Variants in OXR1 observed in about 807,000 individuals in gnomAD.
The protein encoded by OXR1 is oxidation resistance 1.
A neutral mutation model predicts 104.6 loss-of-function variants in OXR1; 41 were observed. The ratio of observed to expected loss-of-function variants is 0.39; its 90% CI spans 0.31 to 0.51. OXR1 has a LOEUF of 0.51. Ranked by LOEUF, OXR1 falls within the 20% of genes least tolerant of loss-of-function variation. The pLI is 0.77. For synonymous variants in OXR1, 348 were observed against 348.4 expected, an observed-to-expected ratio of 1.00 and a Z score of 0.01; for missense variants, 955 against 1,031.9, an observed-to-expected ratio of 0.93 and a Z score of 1.02.
intron 2 of OXR1, among the ~76,000 whole-genome samples, chr8:106,492,249 T>C (rs1811138156): frequency 6.6e-6 from 1 of 152,186 alleles, no homozygotes; most frequent in African/African-American, 2.4e-5. Context: ...CTCATCCAAC[T>C]TTCAGCAAGT....
Position 106,578,637 on chromosome 8 carries a change from G to A in OXR1, c.220+59498G>A, listed in dbSNP as rs2130612134. Reference sequence around the variant, plus strand: ...AGGACTTACTATGTATACTGTGTGTGTCATTGTAAAATTGTGACAGGAGGA... The same window carrying A: ...AGGACTTACTATGTATACTGTGTGTATCATTGTAAAATTGTGACAGGAGGA... On this transcript the variant is annotated intron_variant, in intron 3 of 16. Transcript: ENST00000517566. Among the ~76,000 whole-genome samples, 3 of 152,280 alleles carry A rather than the reference G, an allele frequency of 2.0e-5. No homozygotes were observed. The Middle Eastern group carries it at 0.01, about 518-fold the overall frequency.
intron 2 of OXR1, among the ~76,000 whole-genome samples, chr8:106,452,254 C>A (rs939342040): frequency 1.3e-5 from 2 of 152,222 alleles, no homozygotes; most frequent in East Asian, 3.9e-4. Flanking sequence ...AATTTTTATT[C>A]CATTGCATTT....
intron 2 of OXR1, among the ~76,000 whole-genome samples, chr8:106,475,962 T>C (rs1163011434): frequency 6.6e-6 from 1 of 150,402 alleles, no homozygotes; most frequent in East Asian, 1.9e-4. Flanking sequence ...TATAGAGTTG[T>C]GCACACCCTC....
At chr8:106,552,960 T>A (rs1815967490) in intron 3 of OXR1, among the ~76,000 whole-genome samples, 2 of 152,206 alleles carry the variant, frequency 1.3e-5, no homozygotes, top group African/African-American at 4.8e-5. Flanking sequence ...TAACAAAGAC[T>A]GTTTTATTCT....
intron 2 of OXR1, among the ~76,000 whole-genome samples, chr8:106,378,755 C>T (rs1817009413): frequency 6.6e-6 from 1 of 152,160 alleles, no homozygotes. Flanking sequence ...GTGATCCACC[C>T]ACCTCGGCCT....
chr8:106,532,191 T>A (rs1033885842), intron 3 of OXR1, among the ~76,000 whole-genome samples: 1 of 152,208 alleles, frequency 6.6e-6, no homozygotes, highest in Non-Finnish European at 1.5e-5. Context: ...CCTAAGGCAG[T>A]GTCTTGATGA....
intron 2 of OXR1, chr8:106,448,132 C>G (rs1820105133): frequency 1.4e-6 from 2 of 1,409,298 alleles, no homozygotes; most frequent in Non-Finnish European, 9.7e-7. Context: ...TAAAATAGCT[C>G]TCTGATTTCT....
intron 9 of OXR1, among the ~76,000 whole-genome samples, chr8:106,708,732 A>T (rs925673501): frequency 2.0e-5 from 3 of 152,174 alleles, no homozygotes; most frequent in African/African-American, 7.2e-5. Context: ...TGCTTTGAAC[A>T]TTAGTGTACA....
At chr8:106,402,456 A>G (rs546069578) in intron 2 of OXR1, among the ~76,000 whole-genome samples, 2 of 152,280 alleles carry the variant, frequency 1.3e-5, no homozygotes, top group African/African-American at 4.8e-5. Context: ...TCAGTTATGT[A>G]TTCTGGAACT....
chr8:106,574,910 A>G (rs550041769), intron 3 of OXR1, among the ~76,000 whole-genome samples: 26 of 152,360 alleles, frequency 1.7e-4, no homozygotes, highest in South Asian at 6.2e-4. Context: ...GAAGATGACA[A>G]TCAACTACAA....
chr8:106,667,990 T>C (rs1826524227), intron 3 of OXR1, among the ~76,000 whole-genome samples: 4 of 151,636 alleles, frequency 2.6e-5, no homozygotes. Flanking sequence ...AGAAAAAAAA[T>C]TACAGATACT....
At chr8:106,692,584 A>G in intron 6 of OXR1, 144 bp from the exon 7 acceptor site, 1 of 467,952 alleles carries the variant, frequency 2.1e-6, no homozygotes, top group Non-Finnish European at 3.7e-6. Context: ...TTTGTACGTA[A>G]AAATATTTCG....
intron 1 of OXR1, among the ~76,000 whole-genome samples, chr8:106,339,515 AAAAAATATAT>A (rs1266139208): frequency 0.012 from 368 of 31,236 alleles, 10 homozygotes; most frequent in East Asian, 0.016. Context: ...AAAAAAAAAA[AAAAAATATAT>A]ATATATATAT....
intron 2 of OXR1, among the ~76,000 whole-genome samples, chr8:106,363,855 C>G (rs1256898352): frequency 4.6e-5 from 7 of 152,130 alleles, no homozygotes. Flanking sequence ...AGAGCCCTAT[C>G]TTGTTGCAAC....
intron 2 of OXR1, among the ~76,000 whole-genome samples, chr8:106,380,527 C>A (rs946851449): frequency 6.6e-6 from 1 of 152,172 alleles, no homozygotes; most frequent in Admixed American, 6.5e-5. Context: ...TTGTGTTTAA[C>A]TTTTTGAGGA....
At position 106,692,712 on chromosome 8, in the gene OXR1, T is replaced by TTA; in HGVS notation, c.526-16_526-15insTA. On this transcript the variant is annotated splice_polypyrimidine_tract_variant and intron_variant, in intron 6 of 16. Transcript: ENST00000517566. ...TTTCTGCTTTTTTTTTTCTTTCCTT[T>TTA]AAAAAAAAAAAAAAGAATCCTGATG... 1 of 1,168,086 alleles carries TTA rather than the reference T, an allele frequency of 8.6e-7. No homozygotes were observed. The highest frequency in any genetic ancestry group is 1.1e-6 in the Non-Finnish European group (1 of 881,924). The allele number at this position is 1,168,086 out of a possible 1,614,324, so 72.4% of individuals were successfully genotyped here.
intron 1 of OXR1, among the ~76,000 whole-genome samples, chr8:106,298,052 A>AAC (rs1306197384): frequency 6.6e-6 from 1 of 152,184 alleles, no homozygotes; most frequent in African/African-American, 2.4e-5. Flanking sequence ...GCTGGTAGTC[A>AAC]ACAGCAATTT....
chr8:106,516,730 G>A (rs1812887627), intron 2 of OXR1, among the ~76,000 whole-genome samples: 2 of 152,030 alleles, frequency 1.3e-5, no homozygotes, highest in South Asian at 4.1e-4. Flanking sequence ...CCACAGTTTG[G>A]TTTTCTGCAG....
At chr8:106,623,229 A>G (rs1390502123) in intron 3 of OXR1, among the ~76,000 whole-genome samples, 1 of 152,218 alleles carries the variant, frequency 6.6e-6, no homozygotes, top group Non-Finnish European at 1.5e-5. Flanking sequence ...ATAGTCAGAT[A>G]TAGTAAAGCT....
Sources: allele counts gnomAD v4.1 joint callset (sites outside exome capture counted in the v4.1 genomes callset), GRCh38; gene constraint gnomAD v4.1.1; transcripts MANE v1.5; gene names NCBI Gene and HGNC (gene_info 2026-07-23, HGNC 2026-07-21).